TMED5: variants seen among roughly 807,000 people sequenced by gnomAD.
TMED5 encodes the protein transmembrane p24 trafficking protein 5.
In TMED5, 27 loss-of-function variants were observed where a neutral mutation model predicts 23.0. The observed-to-expected ratio is 1.17, with a 90% CI of 0.86 to 1.62. TMED5 has a LOEUF of 1.62. Ranked by LOEUF, TMED5 falls within the 40% of genes most tolerant of loss-of-function variation. TMED5 has a pLI of 0.00. For missense variants in TMED5, 248 were observed against 273.7 expected, an observed-to-expected ratio of 0.91 and a Z score of 0.66; for synonymous variants, 97 against 100.8, an observed-to-expected ratio of 0.96 and a Z score of 0.23.
At chr1:93,162,833 C>T (rs1648332338) in intron 1 of TMED5, 1 of 152,092 alleles carries the variant, frequency 6.6e-6, no homozygotes, top group African/African-American at 2.4e-5. Context: ...TTACATATAA[C>T]ATTAGATGGA....
intron 1 of TMED5, chr1:93,163,265 G>A (rs548508727): frequency 6.6e-6 from 1 of 151,860 alleles, no homozygotes; most frequent in South Asian, 2.1e-4. Context: ...GCAGTTATTG[G>A]TAGTGGCTGT....
At chr1:93,161,577 G>A (rs1648277426) in intron 1 of TMED5, 1 of 152,106 alleles carries the variant, frequency 6.6e-6, no homozygotes, top group Non-Finnish European at 1.5e-5. Context: ...GTCTCATTTT[G>A]CAATTCAAAA....
chr1:93,177,611 AGGAAC>A (rs1557580062), intron 1 of TMED5, among the ~76,000 whole-genome samples: 25 of 140,558 alleles, frequency 1.8e-4, no homozygotes, highest in African/African-American at 6.1e-4. Context: ...AAAAAAAAAA[AGGAAC>A]AGTCCCTTTA....
At chr1:93,177,584 CAAAAAAAA>C (rs11322215) in intron 1 of TMED5, among the ~76,000 whole-genome samples, 14 of 44,404 alleles carry the variant, frequency 3.2e-4, no homozygotes, top group African/African-American at 1.3e-3. Flanking sequence ...GACTCTGTCT[CAAAAAAAA>C]AAAAAAAAAA....
chr1:93,154,019 C>T lies in TMED5; in HGVS notation c.*651G>A, dbSNP rs367611230. On this transcript the variant is annotated 3_prime_UTR_variant, in exon 4 of 4. Transcript: ENST00000370282. ...AGTGTAACTTTGTGTTTTTAAGAATCGTGAAAATGTCAGCTTTTGGGAATG... is the reference window on the plus strand; with the variant it reads ...AGTGTAACTTTGTGTTTTTAAGAATTGTGAAAATGTCAGCTTTTGGGAATG... The T allele has an allele frequency of 9.8e-5, 15 of 152,418 alleles. No individual in the cohort carries two copies. Among genetic ancestry groups the T allele is most frequent in the African/African-American group, 3.1e-4 (13 of 41,400 alleles). 9.4% of individuals were successfully genotyped at this position (152,418 alleles called of 1,614,324 possible).
At chr1:93,173,291 C>T (rs532458011) in intron 1 of TMED5, among the ~76,000 whole-genome samples, 174 of 152,260 alleles carry the variant, frequency 1.1e-3, no homozygotes, top group African/African-American at 3.3e-3. Flanking sequence ...CAAAACATCA[C>T]GCTATACCGC....
At chr1:93,174,363 C>G (rs1557578836) in intron 1 of TMED5, among the ~76,000 whole-genome samples, 1 of 152,148 alleles carries the variant, frequency 6.6e-6, no homozygotes, top group African/African-American at 2.4e-5. Flanking sequence ...ATAAAGGAGA[C>G]AGGTGTGGTG....
Position 93,154,774 on chromosome 1 carries a change from T to G in TMED5, c.586A>C (p.Asn196His), listed in dbSNP as rs1647998661. The change falls in exon 4 of 4, where the codon AAT becomes CAT. Residue 196 changes from asparagine to histidine, a missense_variant. By Grantham distance (68) the Asn-to-His change is moderately conservative. Transcript: ENST00000370282. Reference sequence around the variant, plus strand: ...ACTAAATTAACCATAGACCAGAAATTGACTCTATCAAAGTTGCTTTCTTGT... The same window carrying G: ...ACTAAATTAACCATAGACCAGAAATGGACTCTATCAAAGTTGCTTTCTTGT... ...NIQESNFDRV[N>H]FWSMVNLVVM... The G allele has an allele frequency of 1.9e-6, 3 of 1,614,024 alleles. No homozygotes were observed. Among genetic ancestry groups the G allele is most frequent in the Admixed American group, 1.7e-5 (1 of 60,016 alleles).
intron 1 of TMED5, among the ~76,000 whole-genome samples, chr1:93,167,873 G>A (rs1258915034): frequency 6.6e-6 from 1 of 152,272 alleles, no homozygotes; most frequent in East Asian, 1.9e-4. Context: ...CCATTCAGAA[G>A]ATACTAGCTG....
chr1:93,164,468 A>G (rs1389677596), intron 1 of TMED5, among the ~76,000 whole-genome samples: 1 of 152,158 alleles, frequency 6.6e-6, no homozygotes, highest in East Asian at 1.9e-4. Context: ...ATTTTTTTAA[A>G]AAGTCCACCA....
At position 93,154,515 on chromosome 1, in the gene TMED5, GA is replaced by G. The variant is rs1647984963; in HGVS notation, c.*154del. 1.5e-5 allele frequency: 9 copies of G among 615,172 alleles called. No individual in the cohort carries two copies. The highest frequency in any genetic ancestry group is 2.5e-5 in the Non-Finnish European group (9 of 353,792). The allele number at this position is 615,172 out of a possible 1,614,324, so 38.1% of individuals were successfully genotyped here. ...CTGGATCAGCAGGATTACTTGCACA[GA>G]AAGTGAAGACTTAATTTTCACATTA... On this transcript the variant is annotated 3_prime_UTR_variant, in exon 4 of 4. Transcript: ENST00000370282.
At chr1:93,180,023 G>A (rs780129910) in intron 1 of TMED5, 31 bp downstream of exon 1, 1 of 1,600,338 alleles carries the variant, frequency 6.2e-7, no homozygotes, top group Non-Finnish European at 8.5e-7. Context: ...CTGGGTTAAA[G>A]GAAGGAGGCT....
intron 1 of TMED5, among the ~76,000 whole-genome samples, chr1:93,169,208 C>CT (rs1290606117): frequency 3.3e-5 from 5 of 152,134 alleles, no homozygotes; most frequent in Admixed American, 6.5e-5. Context: ...ATAAAACACA[C>CT]CTTGATTTGT....
chr1:93,171,471 G>A (rs575145115), intron 1 of TMED5, among the ~76,000 whole-genome samples: 25 of 152,202 alleles, frequency 1.6e-4, no homozygotes, highest in African/African-American at 4.3e-4. Context: ...GATGAAACAG[G>A]CCAATTCCTT....
chr1:93,175,176 TA>T lies in TMED5; in HGVS notation c.189+4877del, dbSNP rs1467720450. 0.012 allele frequency among the ~76,000 whole-genome samples: 92 copies of T among 7,394 alleles called. No homozygotes were observed. The East Asian group carries it at 0.31, about 25-fold the overall frequency. The allele number at this position is 7,394 out of a possible 152,430, so 4.9% of individuals were successfully genotyped here. On this transcript the variant is annotated intron_variant, in intron 1 of 3. Coordinates refer to ENST00000370282, the MANE Select transcript of TMED5 (RefSeq NM_016040.5). ...ATTTATATAATACTTAAAAGCCATT[TA>T]TATATATATATATATATATATATAA... is the stretch of plus-strand genomic sequence containing the variant.
chr1:93,160,058 A>C (rs1648213994), intron 2 of TMED5, 71 bp downstream of exon 2: 1 of 877,496 alleles, frequency 1.1e-6, no homozygotes, highest in East Asian at 2.5e-5. Context: ...AAATGTGCTA[A>C]CTTTCCATGC....
intron 1 of TMED5, among the ~76,000 whole-genome samples, chr1:93,165,020 A>T (rs1648440746): frequency 6.6e-6 from 1 of 152,252 alleles, no homozygotes; most frequent in South Asian, 2.1e-4. Context: ...GCAAGAAACA[A>T]GGAAGGCCTC....
intron 2 of TMED5, among the ~76,000 whole-genome samples, chr1:93,158,631 C>T (rs1272292055): frequency 2.0e-5 from 3 of 148,156 alleles, no homozygotes; most frequent in Non-Finnish European, 4.4e-5. Flanking sequence ...AGTACAGCGG[C>T]GCCATCTCAG....
At chr1:93,160,567 T>C in intron 1 of TMED5, 1 of 173,664 alleles carries the variant, frequency 5.8e-6, no homozygotes, top group South Asian at 1.5e-4. Context: ...AGTTAAAACT[T>C]AGGCAATTGG....
Sources: gnomAD v4.1 joint callset for allele counts (sites outside exome capture counted in the v4.1 genomes callset) on GRCh38, gnomAD v4.1.1 for gene constraint, MANE v1.5 for transcripts, NCBI Gene and HGNC (gene_info 2026-07-23, HGNC 2026-07-21) for gene names.